Variants in TSC2 observed in about 807,000 individuals in gnomAD.
TSC2 encodes the protein tuberin.
In TSC2, 29 loss-of-function variants were observed where a neutral mutation model predicts 202.2. The observed-to-expected ratio is 0.14, with a 90% CI of 0.11 to 0.20. The LOEUF (loss-of-function observed/expected upper bound fraction) is 0.20. Ranked by LOEUF, TSC2 falls within the 10% of genes least tolerant of loss-of-function variation. The pLI is 1.00. For missense variants in TSC2, 2,429 were observed against 2,420.0 expected (o/e 1.00, Z -0.08); for synonymous variants, 1,349 against 1,044.0 (o/e 1.29, Z -5.63).
chr16:2,051,447 C>T (rs912879627), intron 3 of TSC2, among the ~76,000 whole-genome samples: 4 of 152,124 alleles, frequency 2.6e-5, no homozygotes, highest in Admixed American at 1.3e-4. Context: ...ATCCTAGGCA[C>T]GCTGGTCTTG....
At chr16:2,063,389 C>A (rs772069868) in intron 14 of TSC2, 3 of 468,006 alleles carry the variant, frequency 6.4e-6, no homozygotes, top group Non-Finnish European at 1.2e-5. Context: ...CATTGTCTTC[C>A]GTTTCAGTCC....
rs2151437245 is a variant in TSC2 at position 2,079,291 on chromosome 16, G to A, written c.3147G>A (p.Glu1049=). 6.2e-7 allele frequency: 1 copy of A among 1,613,008 alleles called. No individual in the cohort carries two copies. The highest frequency in any genetic ancestry group is 8.5e-7 in the Non-Finnish European group (1 of 1,180,012). ...TAVPKRSPVG[E]FLLAGGRTKT... ...TGTCTTCTAGGTCTCCTGTGGGCGA[G>A]TTCCTCCTAGCGGGTGGCAGGACCA... is the stretch of plus-strand genomic sequence containing the variant. Residue 1049 remains glutamate, a synonymous_variant, in exon 28 of 42, where the codon GAG becomes GAA. Transcript: ENST00000219476. The surrounding 1 kb of genome is among the most constrained non-coding windows in gnomAD (Gnocchi z 4.6).
At chr16:2,060,634 C>T (rs1469728529) in intron 10 of TSC2, 36 bp from the exon 11 acceptor site, 1 of 1,613,674 alleles carries the variant, frequency 6.2e-7, no homozygotes, top group African/African-American at 1.3e-5. Context: ...AAGCAAGCAG[C>T]TCTGACCCTG....
At chr16:2,088,394 G>A (rs1234325602) in intron 41 of TSC2, 52 bp from the exon 42 acceptor site, 60 of 1,612,390 alleles carry the variant, frequency 3.7e-5, no homozygotes, top group Admixed American at 1.2e-4. Context: ...TGTGTGGGCA[G>A]AGCGGTTGCC....
At position 2,061,863 on chromosome 16, in the gene TSC2, T is replaced by G; in HGVS notation, c.1120-8T>G. 1 of 1,614,044 alleles carries G rather than the reference T, an allele frequency of 6.2e-7. No homozygotes were observed. Among genetic ancestry groups the G allele is most frequent in the Non-Finnish European group, 8.5e-7 (1 of 1,180,004 alleles). ...AGTCAGCCTGTGTCATCGTGCCTGG[T>G]ACTGCAGACCTTGGACAGCCCGGAG... On this transcript the variant is annotated splice_polypyrimidine_tract_variant and splice_region_variant and intron_variant, in intron 11 of 41. Coordinates refer to ENST00000219476, the MANE Select transcript of TSC2 (RefSeq NM_000548.5).
intron 3 of TSC2, among the ~76,000 whole-genome samples, chr16:2,053,081 C>T (rs1446888945): frequency 4.6e-5 from 7 of 152,226 alleles, no homozygotes; most frequent in Non-Finnish European, 1.0e-4. Flanking sequence ...TTGCTGCTGT[C>T]CTCTCAGCCC....
intron 17 of TSC2, 77 bp from the exon 18 acceptor site, chr16:2,071,433 G>A: frequency 6.6e-7 from 1 of 1,507,384 alleles, no homozygotes; most frequent in Middle Eastern, 1.7e-4. Flanking sequence ...CTGGACGTGG[G>A]TCTGAGCAGG....
intron 17 of TSC2, among the ~76,000 whole-genome samples, chr16:2,070,951 G>C (rs1452549689): frequency 6.6e-6 from 1 of 151,930 alleles, no homozygotes; most frequent in African/African-American, 2.4e-5. Context: ...GCAGAGCTGA[G>C]ACGGCAGGGC....
rs1424946987 is a variant in TSC2 at position 2,075,817 on chromosome 16, A to G, written c.2564A>G (p.His855Arg). 2 of 1,612,688 alleles carry G rather than the reference A, an allele frequency of 1.2e-6. No homozygotes were observed. Among genetic ancestry groups the G allele is most frequent in the Admixed American group, 3.3e-5 (2 of 59,994 alleles). ...ACCGCAGCTCTGGCCAGGCTGCCGCACCTCTACAGGAACTTTGCCGCGGAG... is the reference window on the plus strand; with the variant it reads ...ACCGCAGCTCTGGCCAGGCTGCCGCGCCTCTACAGGAACTTTGCCGCGGAG... ...EFLSTLARLP[H>R]LYRNFAAEQY... is the part of the protein sequence containing the mutation. Residue 855 changes from histidine to arginine, a missense_variant, in exon 23 of 42, where the codon CAC becomes CGC. Transcript: ENST00000219476.
intron 31 of TSC2, 183 bp from the exon 32 acceptor site, chr16:2,082,253 G>A (rs1596403112): frequency 1.5e-6 from 1 of 678,658 alleles, no homozygotes. Flanking sequence ...ACGGGAGGAG[G>A]GAGGCACTGC....
intron 7 of TSC2, among the ~76,000 whole-genome samples, 162 bp from the exon 8 acceptor site, chr16:2,056,482 C>T (rs1324082495): frequency 1.3e-5 from 2 of 152,246 alleles, no homozygotes; most frequent in Non-Finnish European, 2.9e-5. Context: ...ACGTCAGGTG[C>T]TTCCCACATG....
rs1036320970 is a variant in TSC2 at position 2,087,959 on chromosome 16, C to G, written c.5068+18C>G. ...CAGGAAAGGTAGGGCCGGGTGGGGC[C>G]CTGCAGTGCAGGAAAGGTAGGGCCG... On this transcript the variant is annotated intron_variant, in intron 39 of 41. Transcript: ENST00000219476. The G allele has an allele frequency of 1.2e-6, 2 of 1,612,246 alleles. No individual in the cohort carries two copies. The highest frequency in any genetic ancestry group is 2.7e-5 in the African/African-American group (2 of 74,910).
chr16:2,072,017 C>G, intron 19 of TSC2, 83 bp downstream of exon 19: 1 of 1,493,452 alleles, frequency 6.7e-7, no homozygotes, highest in Admixed American at 2.1e-5. Flanking sequence ...GGGCCTCCCT[C>G]CCTGTCTGGC....
chr16:2,080,045 G>A (rs1357120942), intron 29 of TSC2, 120 bp from the exon 30 acceptor site: 12 of 1,384,982 alleles, frequency 8.7e-6, no homozygotes, highest in Non-Finnish European at 1.2e-5. Context: ...GGGCAGAGCT[G>A]CCACCGTCTC....
intron 25 of TSC2, chr16:2,077,321 T>G: frequency 2.1e-6 from 1 of 468,382 alleles, no homozygotes; most frequent in Non-Finnish European, 4.0e-6. Flanking sequence ...CCCACACACG[T>G]TTAATTTGCA....
Position 2,089,297 on chromosome 16 carries a change from A to G in TSC2, c.*687A>G, listed in dbSNP as rs944028454. Reference sequence around the variant, plus strand: ...TATAAATTACTGACACGAGACACACAGTGAGACGGTGCAGGGAGTACGGTA... The same window carrying G: ...TATAAATTACTGACACGAGACACACGGTGAGACGGTGCAGGGAGTACGGTA... On this transcript the variant is annotated 3_prime_UTR_variant, in exon 42 of 42. Coordinates refer to ENST00000219476, the MANE Select transcript of TSC2 (RefSeq NM_000548.5). 2 of 234,622 alleles carry G rather than the reference A, an allele frequency of 8.5e-6. No homozygotes were observed. Among genetic ancestry groups the G allele is most frequent in the South Asian group, 1.8e-4 (2 of 10,970 alleles). 14.5% of individuals were successfully genotyped at this position (234,622 alleles called of 1,614,324 possible). A position where few individuals can be genotyped will look rare whatever the true frequency, so the allele number is the denominator to read the frequency against.
chr16:2,053,440 C>T lies in TSC2; in HGVS notation c.324C>T (p.Ile108=), dbSNP rs973500815. ...RHAVLALLKA[I]VQGQGERLGV... is the part of the protein sequence containing the mutation. ...CGGTGCTGGCTCTGCTGAAGGCCAT[C>T]GTGCAGGGGCAGGTAAGGCCCAGGG... Residue 108 remains isoleucine, a synonymous_variant, in exon 4 of 42, where the codon ATC becomes ATT. Coordinates refer to ENST00000219476, the MANE Select transcript of TSC2 (RefSeq NM_000548.5). 38 of 1,574,914 alleles carry T rather than the reference C, an allele frequency of 2.4e-5. No homozygotes were observed. The highest frequency in any genetic ancestry group is 2.9e-5 in the Non-Finnish European group (34 of 1,160,894).
rs145258407 is a variant in TSC2 at position 2,076,096 on chromosome 16, C to T, written c.2668C>T (p.His890Tyr). ...TAATCAGTACATCGTGTGTCTGGCCCATCACGTCATAGCCATGTGGTTCAT... is the reference window on the plus strand; with the variant it reads ...TAATCAGTACATCGTGTGTCTGGCCTATCACGTCATAGCCATGTGGTTCAT... Reference protein sequence around the residue: ...KFNQYIVCLAHHVIAMWFIRC... With the variant: ...KFNQYIVCLAYHVIAMWFIRC... The change falls in exon 24 of 42, where the codon CAT (histidine) becomes TAT (tyrosine). Residue 890 changes from histidine to tyrosine, a missense_variant. Transcript: ENST00000219476. The T allele has an allele frequency of 1.1e-5, 17 of 1,613,840 alleles. No homozygotes were observed. The highest frequency in any genetic ancestry group is 5.3e-5 in the African/African-American group (4 of 74,912).
chr16:2,080,047 C>T (rs948149951), intron 29 of TSC2, 118 bp from the exon 30 acceptor site: 63 of 1,396,408 alleles, frequency 4.5e-5, no homozygotes, highest in Non-Finnish European at 6.0e-5. Context: ...GCAGAGCTGC[C>T]ACCGTCTCTG....
Sources: gnomAD v4.1 joint callset for allele counts (sites outside exome capture counted in the v4.1 genomes callset) on GRCh38, gnomAD v4.1.1 for gene constraint, Gnocchi (gnomAD v3.1) non-coding constraint, MANE v1.5 for transcripts, NCBI Gene and HGNC (gene_info 2026-07-23, HGNC 2026-07-21) for gene names.